SEMA4B: variants seen among roughly 807,000 people sequenced by gnomAD.
SEMA4B encodes semaphorin 4B.
A neutral mutation model predicts 88.1 loss-of-function variants in SEMA4B; 55 were observed. The ratio of observed to expected loss-of-function variants is 0.62; its 90% CI spans 0.50 to 0.78. The LOEUF is 0.78. Among genes scored for constraint, SEMA4B ranks in the 30% least tolerant of loss-of-function variants. The pLI, the probability that SEMA4B is intolerant of heterozygous loss-of-function variation, is 0.00. For synonymous variants in SEMA4B, 525 were observed against 473.6 expected (o/e 1.11, Z -1.41); for missense variants, 1,062 against 1,111.9 (o/e 0.96, Z 0.64).
chr15:90,209,132 T>TA, intron 1 of SEMA4B, among the ~76,000 whole-genome samples: 1 of 152,300 alleles, frequency 6.6e-6, no homozygotes, highest in East Asian at 1.9e-4. Flanking sequence ...ACTGGGACTG[T>TA]GTCATTCATT....
At chr15:90,193,983 C>T (rs573439377) in intron 1 of SEMA4B, among the ~76,000 whole-genome samples, 1 of 151,950 alleles carries the variant, frequency 6.6e-6, no homozygotes, top group South Asian at 2.1e-4. Flanking sequence ...TCCTGAGTAG[C>T]TGGGATTATA....
In SEMA4B at chr15:90,225,837, C is replaced by T. The variant is rs774590080; in HGVS notation, c.1688+10C>T. 118 of 1,506,718 alleles carry T rather than the reference C, an allele frequency of 7.8e-5. No individual in the cohort carries two copies. Among genetic ancestry groups the T allele is most frequent in the Non-Finnish European group, 1.0e-4 (116 of 1,128,962 alleles). The allele number at this position is 1,506,718 out of a possible 1,614,324, so 93.3% of individuals were successfully genotyped here. A position where few individuals can be genotyped will look rare whatever the true frequency, so the allele number is the denominator to read the frequency against. On this transcript the variant is annotated intron_variant, in intron 12 of 13. Coordinates refer to ENST00000411539, the MANE Select transcript of SEMA4B (RefSeq NM_198925.4). Reference sequence around the variant, plus strand: ...CTCAGCTGGCCACCAGGTGAGCACTCCCAAAGGCCCCTTCCCATCTGTCCA... The same window carrying T: ...CTCAGCTGGCCACCAGGTGAGCACTTCCAAAGGCCCCTTCCCATCTGTCCA...
chr15:90,223,964 G>C lies in SEMA4B; in HGVS notation c.1170G>C (p.Pro390=). ...AGCAGTGGTACACCGTGACCCACCC[G>C]GTGCCCACACCCCGGCCTGGAGCGG... The part of the protein sequence containing the change: ...ETQQWYTVTH[P]VPTPRPGACI... Residue 390 remains proline, a synonymous_variant, in exon 9 of 14, where the codon CCG becomes CCC. Coordinates refer to ENST00000411539, the MANE Select transcript of SEMA4B (RefSeq NM_198925.4). 1 of 1,613,280 alleles carries C rather than the reference G, an allele frequency of 6.2e-7. No individual in the cohort carries two copies. Among genetic ancestry groups the C allele is most frequent in the Non-Finnish European group, 8.5e-7 (1 of 1,179,778 alleles).
At position 90,229,270 on chromosome 15, in the gene SEMA4B, C is replaced by T. The variant is rs1962379349; in HGVS notation, c.*627C>T. 1 of 456,440 alleles carries T rather than the reference C, an allele frequency of 2.2e-6. No homozygotes were observed. Among genetic ancestry groups the T allele is most frequent in the Non-Finnish European group, 4.4e-6 (1 of 226,868 alleles). The allele number at this position is 456,440 out of a possible 1,614,324, so 28.3% of individuals were successfully genotyped here. A position where few individuals can be genotyped will look rare whatever the true frequency, so the allele number is the denominator to read the frequency against. ...CCTCACCAGGTCCTGGGCTCGGACCCAACTCCTGGACCTTTCCAGCCTGTA... is the reference window on the plus strand; with the variant it reads ...CCTCACCAGGTCCTGGGCTCGGACCTAACTCCTGGACCTTTCCAGCCTGTA... On this transcript the variant is annotated 3_prime_UTR_variant, in exon 14 of 14. Coordinates refer to ENST00000411539, the MANE Select transcript of SEMA4B (RefSeq NM_198925.4).
rs753409820 is a variant in SEMA4B at position 90,225,036 on chromosome 15, C to A, written c.1263C>A (p.Asn421Lys). The change falls in exon 10 of 14, where the codon AAC becomes AAA. Residue 421 changes from asparagine (N) to lysine (K), a missense_variant. Coordinates refer to ENST00000411539, the MANE Select transcript of SEMA4B (RefSeq NM_198925.4). ...SSLQLPDRVL[N>K]FLKDHFLMDG... ...TGCAGCTCCCAGACCGCGTGCTGAA[C>A]TTCCTCAAGGACCACTTCCTGATGG... 32 of 1,613,848 alleles carry A rather than the reference C, an allele frequency of 2.0e-5. No homozygotes were observed. The East Asian group carries it at 6.0e-4, about 30-fold the overall frequency.
intron 13 of SEMA4B, 93 bp downstream of exon 13, chr15:90,227,735 C>A: frequency 6.8e-7 from 1 of 1,473,914 alleles, no homozygotes; most frequent in Non-Finnish European, 9.3e-7. Context: ...TGCCTTTCCT[C>A]ACTTCCTTGC....
At chr15:90,199,493 C>T (rs1019344247), upstream of SEMA4B, among the ~76,000 whole-genome samples, 2 of 151,874 alleles carry the variant, frequency 1.3e-5, no homozygotes, top group African/African-American at 2.4e-5. Context: ...TAGTTTGGGA[C>T]ATGTTGGGCT....
intron 3 of SEMA4B, among the ~76,000 whole-genome samples, chr15:90,218,238 T>G (rs1961632175): frequency 2.0e-5 from 3 of 152,154 alleles, no homozygotes; most frequent in African/African-American, 7.2e-5. Flanking sequence ...ATCTGACAGA[T>G]TCTGGTGTGG....
intron 1 of SEMA4B, among the ~76,000 whole-genome samples, chr15:90,193,889 G>C (rs146253820): frequency 7.1e-6 from 1 of 140,800 alleles, no homozygotes; most frequent in South Asian, 2.3e-4. Context: ...TTTCACTCTT[G>C]TGCCCAGGCT....
At chr15:90,222,254 C>CTT (rs1156919489) in intron 7 of SEMA4B, among the ~76,000 whole-genome samples, 4 of 68,842 alleles carry the variant, frequency 5.8e-5, no homozygotes, top group African/African-American at 2.5e-4. Context: ...TTTTTCTTTT[C>CTT]TTTTTTTTTT....
chr15:90,217,253 T>A (rs1961573855), intron 1 of SEMA4B, 186 bp from the exon 2 acceptor site: 4 of 564,100 alleles, frequency 7.1e-6, no homozygotes, highest in Non-Finnish European at 1.3e-5. Flanking sequence ...ATTTCTTATG[T>A]AATGTTTGAG....
At chr15:90,192,807 T>C (rs1596116801) in intron 1 of SEMA4B, among the ~76,000 whole-genome samples, 1 of 152,118 alleles carries the variant, frequency 6.6e-6, no homozygotes, top group Non-Finnish European at 1.5e-5. Context: ...GCCAGGCTGG[T>C]CTCAAACTCC....
chr15:90,200,786 C>G (rs1960674691), upstream of SEMA4B, among the ~76,000 whole-genome samples: 1 of 152,222 alleles, frequency 6.6e-6, no homozygotes, highest in Non-Finnish European at 1.5e-5. Flanking sequence ...AGCGGACAAG[C>G]CCGCAGGGTG....
Position 90,225,059 on chromosome 15 carries a change from T to C in SEMA4B, c.1286T>C (p.Met429Thr), listed in dbSNP as rs575226786. ...VLNFLKDHFL[M>T]DGQVRSRMLL... ...AACTTCCTCAAGGACCACTTCCTGA[T>C]GGACGGGCAGGTCCGAAGCCGCATG... The change falls in exon 10 of 14, where the codon ATG becomes ACG. Residue 429 changes from methionine to threonine, a missense_variant. By Grantham distance (81) the Met-to-Thr change is moderately conservative (BLOSUM62 -1). Coordinates refer to ENST00000411539, the MANE Select transcript of SEMA4B (RefSeq NM_198925.4). 1 of 1,613,872 alleles carries C rather than the reference T, an allele frequency of 6.2e-7. No individual in the cohort carries two copies. Among genetic ancestry groups the C allele is most frequent in the South Asian group, 1.1e-5 (1 of 91,070 alleles).
At chr15:90,199,051 C>T (rs1186509190), upstream of SEMA4B, among the ~76,000 whole-genome samples, 1 of 151,998 alleles carries the variant, frequency 6.6e-6, no homozygotes, top group African/African-American at 2.4e-5. Flanking sequence ...TTTTTGTGTT[C>T]TTAGTAGAGA....
At chr15:90,227,835 G>T in intron 13 of SEMA4B, 69 bp from the exon 14 acceptor site, 1 of 1,595,638 alleles carries the variant, frequency 6.3e-7, no homozygotes, top group Non-Finnish European at 8.5e-7. Context: ...TAGCCCAGAG[G>T]GAGGCAGGGG....
chr15:90,223,413 C>G (rs1254003407), intron 7 of SEMA4B, 146 bp from the exon 8 acceptor site: 15 of 630,482 alleles, frequency 2.4e-5, no homozygotes, highest in Non-Finnish European at 3.9e-5. Context: ...ACTGCTCTTC[C>G]TGACTTTAGA....
chr15:90,225,347 A>G lies in SEMA4B; in HGVS notation c.1471A>G (p.Ile491Val). 1 of 1,557,096 alleles carries G rather than the reference A, an allele frequency of 6.4e-7. No homozygotes were observed. Among genetic ancestry groups the G allele is most frequent in the Middle Eastern group, 2.2e-4 (1 of 4,632 alleles). Residue 491 changes from isoleucine (I) to valine (V), a missense_variant, in exon 11 of 14, where the codon ATC becomes GTC. Transcript: ENST00000411539. ...GGTGCACATCATTGAGGAGCTGCAG[A>G]TCTTCTCATCGGGACAGCCCGTGCA... is the stretch of plus-strand genomic sequence containing the variant. The part of the protein sequence containing the change: ...PRVHIIEELQ[I>V]FSSGQPVQNL...
At chr15:90,224,596 G>A (rs568938102) in intron 9 of SEMA4B, among the ~76,000 whole-genome samples, 13 of 152,166 alleles carry the variant, frequency 8.5e-5, no homozygotes, top group Non-Finnish European at 1.9e-4. Context: ...AGCCTCAGGC[G>A]GGGCAGGAAA....
Sources: gnomAD v4.1 joint callset for allele counts (sites outside exome capture counted in the v4.1 genomes callset) on GRCh38, gnomAD v4.1.1 for gene constraint, MANE v1.5 for transcripts, NCBI Gene and HGNC (gene_info 2026-07-23, HGNC 2026-07-21) for gene names.